Variants in PCDH11Y observed in about 807,000 individuals in gnomAD.
The protein encoded by PCDH11Y is protocadherin-11 Y-linked.
For synonymous variants in PCDH11Y, 9 were observed against 83.6 expected (o/e 0.11, Z 4.87); for missense variants, 12 against 224.8 (o/e 0.05, Z 6.05).
chrY:5,667,219 A>C, intron 4 of PCDH11Y, among the ~76,000 whole-genome samples: 1 of 29,361 alleles, frequency 3.4e-5, no homozygotes, highest in African/African-American at 1.3e-4. Context: ...CAATAGCTTC[A>C]ATATATGTAA....
rs756307805 is a variant in PCDH11Y, at chrY:5,351,295, AGTGTGT to A, written c.3130-149729_3130-149724del. Among the ~76,000 whole-genome samples the A allele has an allele frequency of 2.0e-3, 44 of 21,942 alleles. No individual in the cohort carries two copies. The East Asian group carries it at 0.04, about 20-fold the overall frequency. The allele number at this position is 21,942 out of a possible 37,273, so 58.9% of individuals were successfully genotyped here. ...TTTACCAGATTGAAGATATGTGGGG[AGTGTGT>A]GTGTGTGTGTGTGTGTGTGTGTGTG... On this transcript the variant is annotated intron_variant, in intron 2 of 4. Coordinates refer to the PCDH11Y transcript ENST00000400457.
At chrY:5,181,818 T>G in intron 2 of PCDH11Y, among the ~76,000 whole-genome samples, 1 of 33,494 alleles carries the variant, frequency 3.0e-5, no homozygotes, top group Non-Finnish European at 7.4e-5. Context: ...TACCAATTCC[T>G]GTATTGTTTT....
chrY:5,081,161 T>G (rs2124632076), intron 1 of PCDH11Y, among the ~76,000 whole-genome samples: 12 of 28,253 alleles, frequency 4.2e-4, no homozygotes, highest in African/African-American at 1.7e-3. Context: ...TTCAGGTTTG[T>G]CAAAGATCAG....
At chrY:5,345,663 T>C (rs2053151205) in intron 2 of PCDH11Y, among the ~76,000 whole-genome samples, 1 of 31,760 alleles carries the variant, frequency 3.1e-5, no homozygotes, top group Non-Finnish European at 7.6e-5. Context: ...GTTTTTTATC[T>C]TTTTTCTTTT....
chrY:5,618,835 C>CA (rs1347870794), intron 4 of PCDH11Y, among the ~76,000 whole-genome samples: 145 of 2,664 alleles, frequency 0.054, no homozygotes, highest in Non-Finnish European at 0.1. Flanking sequence ...CCTGTCTCTA[C>CA]AAAAAAAAAA....
chrY:5,341,951 C>T (rs1602907961), intron 2 of PCDH11Y, among the ~76,000 whole-genome samples: 1 of 26,061 alleles, frequency 3.8e-5, no homozygotes, highest in Non-Finnish European at 8.8e-5. Context: ...ACCAAAACTC[C>T]GTCTCAAAAA....
intron 2 of PCDH11Y, among the ~76,000 whole-genome samples, chrY:5,482,481 A>G: frequency 3.0e-5 from 1 of 33,525 alleles, no homozygotes; most frequent in African/African-American, 1.2e-4. Context: ...GTGAATAGAC[A>G]TTTATCAATA....
At chrY:5,375,599 A>T in intron 2 of PCDH11Y, among the ~76,000 whole-genome samples, 1 of 32,772 alleles carries the variant, frequency 3.1e-5, no homozygotes, top group Non-Finnish European at 7.4e-5. Flanking sequence ...TTCAGTTTCT[A>T]TAAAACACCA....
At chrY:5,201,281 AG>A (rs2052926659) in intron 2 of PCDH11Y, among the ~76,000 whole-genome samples, 1 of 32,863 alleles carries the variant, frequency 3.0e-5, no homozygotes, top group Non-Finnish European at 7.5e-5. Flanking sequence ...TATTTATGCC[AG>A]TAATACATGT....
At chrY:5,294,556 C>A in intron 2 of PCDH11Y, among the ~76,000 whole-genome samples, 1 of 31,767 alleles carries the variant, frequency 3.1e-5, no homozygotes, top group African/African-American at 1.2e-4. Context: ...CCACAGCAAC[C>A]AACCTGATTT....
At chrY:5,328,696 A>T in intron 2 of PCDH11Y, among the ~76,000 whole-genome samples, 7 of 32,431 alleles carry the variant, frequency 2.2e-4, no homozygotes, top group Non-Finnish European at 4.5e-4. Flanking sequence ...AATTGCTGGC[A>T]GGTGGGGGAG....
chrY:5,733,832 G>A, intron 4 of PCDH11Y, among the ~76,000 whole-genome samples: 1 of 33,410 alleles, frequency 3.0e-5, no homozygotes, highest in Non-Finnish European at 7.4e-5. Flanking sequence ...TCCTAATCCA[G>A]GTCAGAGAGC....
chrY:5,370,152 T>G, intron 2 of PCDH11Y, among the ~76,000 whole-genome samples: 2 of 33,329 alleles, frequency 6.0e-5, no homozygotes, highest in Non-Finnish European at 1.5e-4. Flanking sequence ...TTAAAAAGGG[T>G]TGGGACTTTC....
chrY:5,467,187 G>T, intron 2 of PCDH11Y, among the ~76,000 whole-genome samples: 1 of 30,678 alleles, frequency 3.3e-5, no homozygotes, highest in African/African-American at 1.3e-4. Flanking sequence ...GAGTTTCCCT[G>T]CATTTTTTTT....
chrY:5,487,205 T>C (rs2053334377), intron 2 of PCDH11Y, among the ~76,000 whole-genome samples: 1 of 31,823 alleles, frequency 3.1e-5, no homozygotes, highest in Non-Finnish European at 7.6e-5. Flanking sequence ...TTGTTGTTTC[T>C]TTGTTTGTTT....
intron 2 of PCDH11Y, among the ~76,000 whole-genome samples, chrY:5,228,218 T>TA (rs2052963120): frequency 6.0e-4 from 14 of 23,249 alleles, no homozygotes; most frequent in Non-Finnish European, 1.3e-3. Context: ...ATTATTAGCT[T>TA]AGAGTTGCTC....
At chrY:5,305,930 A>C (rs2124663843) in intron 2 of PCDH11Y, among the ~76,000 whole-genome samples, 1 of 31,673 alleles carries the variant, frequency 3.2e-5, no homozygotes, top group African/African-American at 1.2e-4. Context: ...TCCAAAATGA[A>C]AACATGTGTC....
At chrY:5,087,086 C>T in intron 1 of PCDH11Y, among the ~76,000 whole-genome samples, 1 of 33,840 alleles carries the variant, frequency 3.0e-5, no homozygotes, top group Non-Finnish European at 7.4e-5. Context: ...TTCTATTGTA[C>T]CACGACTGAG....
chrY:5,136,421 T>C, intron 2 of PCDH11Y, among the ~76,000 whole-genome samples: 1 of 32,850 alleles, frequency 3.0e-5, no homozygotes. Flanking sequence ...AACACGGTTC[T>C]ATAACACCCC....
Sources: gnomAD v4.1 joint callset for allele counts (sites outside exome capture counted in the v4.1 genomes callset) on GRCh38, gnomAD v4.1.1 for gene constraint, MANE v1.5 for transcripts, NCBI Gene and HGNC (gene_info 2026-07-23, HGNC 2026-07-21) for gene names.